The following ERICH1 variants were observed in gnomAD, a reference collection of about 807,000 sequenced individuals.
ERICH1 encodes the protein glutamate-rich protein 1.
A neutral mutation model predicts 39.6 loss-of-function variants in ERICH1; 56 were observed. The ratio of observed to expected loss-of-function variants is 1.41; its 90% CI spans 1.14 to 1.77. The LOEUF (loss-of-function observed/expected upper bound fraction) is 1.77, where lower values mean the gene tolerates loss of function less well. Among genes scored for constraint, ERICH1 ranks in the 40% most tolerant of loss-of-function variants. The pLI is 0.00. For missense variants in ERICH1, 826 were observed against 575.4 expected (o/e 1.44, Z -4.45); for synonymous variants, 313 against 223.6 (o/e 1.40, Z -3.57).
At chr8:663,440 A>G (rs1481483539), downstream of ERICH1, among the ~76,000 whole-genome samples, 1 of 152,164 alleles carries the variant, frequency 6.6e-6, no homozygotes, top group Non-Finnish European at 1.5e-5. Context: ...CATCACCGTC[A>G]CCAGGCGACC....
At chr8:728,262 G>A (rs572672566) in intron 1 of ERICH1, among the ~76,000 whole-genome samples, 10 of 152,334 alleles carry the variant, frequency 6.6e-5, no homozygotes, top group South Asian at 2.1e-4. Context: ...CACAGTAAGC[G>A]TTTCAGGAAG....
intron 3 of ERICH1, among the ~76,000 whole-genome samples, chr8:627,588 C>G (rs1414817863): frequency 3.3e-5 from 5 of 152,230 alleles, no homozygotes; most frequent in African/African-American, 1.2e-4. Flanking sequence ...AGATGGCTCT[C>G]CAGCCGCAGG....
intron 1 of ERICH1, among the ~76,000 whole-genome samples, chr8:729,421 G>A (rs537727978): frequency 2.6e-5 from 4 of 152,126 alleles, no homozygotes; most frequent in South Asian, 2.1e-4. Flanking sequence ...AACTTCACTC[G>A]TTGCAAGCCA....
Position 664,630 on chromosome 8 carries a change from A to G in ERICH1, c.1305T>C (p.His435=). 1.2e-6 allele frequency: 2 copies of G among 1,613,100 alleles called. No individual in the cohort carries two copies. The highest frequency in any genetic ancestry group is 1.7e-6 in the Non-Finnish European group (2 of 1,179,738). Residue 435 remains histidine, a synonymous_variant, in exon 6 of 6, where the codon CAT becomes CAC. Transcript: ENST00000262109. The stretch of plus-strand genomic sequence containing the variant: ...AGTCACTGCTCTTCTCAGGAAGGAT[A>G]TGTGTGATCCAGTAACTAAAGAAAG... ...ISAFFSYWIT[H]ILPEKSSD is the part of the protein sequence containing the mutation.
intron 2 of ERICH1, among the ~76,000 whole-genome samples, chr8:715,254 T>TC (rs1461324720): frequency 6.6e-6 from 1 of 152,116 alleles, no homozygotes; most frequent in Non-Finnish European, 1.5e-5. Flanking sequence ...GGTGGTCTAT[T>TC]CCCGTGTCTC....
chr8:623,228 A>C (rs1338346717), intron 3 of ERICH1, among the ~76,000 whole-genome samples: 1 of 152,212 alleles, frequency 6.6e-6, no homozygotes, highest in Non-Finnish European at 1.5e-5. Context: ...TATCCTAGGA[A>C]TTCAAGGGTG....
chr8:707,226 T>TTTC (rs34236829), intron 2 of ERICH1, among the ~76,000 whole-genome samples: 2 of 146,452 alleles, frequency 1.4e-5, no homozygotes, highest in Non-Finnish European at 1.5e-5. Context: ...TTTTTTTTTT[T>TTTC]AGACAGAGTA....
At chr8:704,699 C>A (rs1168929307) in intron 2 of ERICH1, among the ~76,000 whole-genome samples, 1 of 151,950 alleles carries the variant, frequency 6.6e-6, no homozygotes, top group African/African-American at 2.4e-5. Flanking sequence ...CTAAAAAAAA[C>A]CAAAATCCTT....
chr8:631,259 G>A (rs1325070205), intron 3 of ERICH1, among the ~76,000 whole-genome samples: 6 of 152,230 alleles, frequency 3.9e-5, no homozygotes, highest in Non-Finnish European at 8.8e-5. Context: ...CACACTGGTG[G>A]TGCCCAGCCC....
At chr8:658,454 G>T (rs993986380) in intron 3 of ERICH1, among the ~76,000 whole-genome samples, 8 of 152,170 alleles carry the variant, frequency 5.3e-5, no homozygotes, top group African/African-American at 1.9e-4. Flanking sequence ...CTGAACACCT[G>T]GCACTGTGGG....
intron 3 of ERICH1, among the ~76,000 whole-genome samples, chr8:688,214 C>T (rs1215824406): frequency 6.6e-6 from 1 of 152,020 alleles, no homozygotes; most frequent in Non-Finnish European, 1.5e-5. Context: ...GAGCCGCCCA[C>T]GCAGGTTTCC....
chr8:634,367 G>C (rs1031394670), intron 3 of ERICH1, among the ~76,000 whole-genome samples: 1 of 151,470 alleles, frequency 6.6e-6, no homozygotes, highest in African/African-American at 2.4e-5. Flanking sequence ...TGGAACCCTC[G>C]TGCACTGTTG....
intron 2 of ERICH1, among the ~76,000 whole-genome samples, chr8:713,469 T>A (rs1815228525): frequency 1.3e-5 from 2 of 152,114 alleles, no homozygotes; most frequent in Admixed American, 1.3e-4. Context: ...CACGGATTTG[T>A]CCCATGGGAA....
In ERICH1 at chr8:692,493, C is replaced by T. The variant is rs201709114; in HGVS notation, c.289G>A (p.Gly97Arg). 1.4e-5 allele frequency: 22 copies of T among 1,614,100 alleles called. No homozygotes were observed. Among genetic ancestry groups the T allele is most frequent in the Middle Eastern group, 1.6e-4 (1 of 6,062 alleles). ...SCGSPENASS[G>R]DDTEDQDPHD... ...AGCATTTTACCTTCTGTGTCATCCC[C>T]GCTGGAGGCGTTCTCGGGGCTCCCA... The change falls in exon 3 of 6, where the codon GGG (glycine) becomes AGG (arginine). Residue 97 changes from glycine (G) to arginine (R), a missense_variant. Physicochemically the swap from Gly to Arg is moderately radical, Grantham distance 125 (BLOSUM62 -2). Transcript: ENST00000262109.
At chr8:622,861 G>A (rs560802404) in intron 3 of ERICH1, among the ~76,000 whole-genome samples, 47 of 152,190 alleles carry the variant, frequency 3.1e-4, no homozygotes, top group Middle Eastern at 6.8e-3. Context: ...AGGATGCTGA[G>A]GTGGAAGGAT....
chr8:720,617 A>C (rs1305687807), intron 1 of ERICH1, among the ~76,000 whole-genome samples: 1 of 152,234 alleles, frequency 6.6e-6, no homozygotes, highest in Non-Finnish European at 1.5e-5. Context: ...CAACACATAA[A>C]GGTCTGTACA....
chr8:630,788 C>A (rs1387475061), intron 3 of ERICH1, among the ~76,000 whole-genome samples: 1 of 147,526 alleles, frequency 6.8e-6, no homozygotes, highest in African/African-American at 2.5e-5. Flanking sequence ...ACAGAGCTGA[C>A]ACACACCCTC....
chr8:668,908 T>C, intron 4 of ERICH1, 116 bp from the exon 5 acceptor site: 2 of 901,964 alleles, frequency 2.2e-6, no homozygotes, highest in Admixed American at 2.9e-5. Flanking sequence ...CAGAATGACA[T>C]ATCTGGGAGA....
intron 1 of ERICH1, among the ~76,000 whole-genome samples, chr8:730,234 C>T (rs191163287): frequency 2.0e-5 from 3 of 152,318 alleles, no homozygotes; most frequent in Admixed American, 1.3e-4. Flanking sequence ...GAGGGGGAAG[C>T]CCACGTGCAG....
Sources: allele counts gnomAD v4.1 joint callset (sites outside exome capture counted in the v4.1 genomes callset), GRCh38; gene constraint gnomAD v4.1.1; transcripts MANE v1.5; gene names NCBI Gene and HGNC (gene_info 2026-07-23, HGNC 2026-07-21).